The following CNDP1 variants were observed in gnomAD, a reference collection of about 807,000 sequenced individuals.
CNDP1 encodes the protein beta-Ala-His dipeptidase.
A neutral mutation model predicts 58.1 loss-of-function variants in CNDP1; 44 were observed. That is an observed-to-expected ratio of 0.76 (90% CI 0.60 to 0.97). The LOEUF is 0.97. CNDP1 is among the 50% of genes least tolerant of loss of function. The pLI, the probability that CNDP1 is intolerant of heterozygous loss-of-function variation, is 0.00. For missense variants in CNDP1, 616 were observed against 655.1 expected (o/e 0.94, Z 0.65); for synonymous variants, 254 against 252.6 (o/e 1.01, Z -0.05).
At chr18:74,548,895 T>A (rs1361474358) in intron 1 of CNDP1, among the ~76,000 whole-genome samples, 2 of 152,256 alleles carry the variant, frequency 1.3e-5, no homozygotes, top group Non-Finnish European at 2.9e-5. Context: ...TCTGTGGAAT[T>A]TGAACTTAAG....
At chr18:74,536,443 A>G (rs1047575172) in intron 1 of CNDP1, among the ~76,000 whole-genome samples, 11 of 152,202 alleles carry the variant, frequency 7.2e-5, no homozygotes, top group African/African-American at 2.2e-4. Context: ...CTCCAGCTCC[A>G]TCCATATTCC....
intron 2 of CNDP1, among the ~76,000 whole-genome samples, chr18:74,557,160 T>C (rs187994837): frequency 1.3e-5 from 2 of 152,180 alleles, no homozygotes; most frequent in Non-Finnish European, 2.9e-5. Context: ...TCAAGTGATC[T>C]TCCTGCCTCG....
intron 1 of CNDP1, among the ~76,000 whole-genome samples, chr18:74,552,661 TTTTA>T (rs1188795825): frequency 2.6e-5 from 4 of 152,242 alleles, no homozygotes; most frequent in Non-Finnish European, 4.4e-5. Flanking sequence ...ATATACCACA[TTTTA>T]TTTATCCATT....
chr18:74,574,595 A>G (rs1981580472), intron 7 of CNDP1, among the ~76,000 whole-genome samples: 2 of 152,338 alleles, frequency 1.3e-5, no homozygotes, highest in African/African-American at 4.8e-5. Flanking sequence ...GCACTTCCCA[A>G]GAAGGCTGTG....
Position 74,583,282 on chromosome 18 carries a change from C to T in CNDP1, c.1310-279C>T, listed in dbSNP as rs574672709. Among the ~76,000 whole-genome samples the T allele has an allele frequency of 2.4e-4, 37 of 152,308 alleles. No individual in the cohort carries two copies. In the South Asian group the frequency reaches 7.1e-3, roughly 29 times the overall value. ...TCAGCCTCCCAAAGTGCTGGGATTACAGGCATGAGCCACTGCACCTGGCTC... is the reference window on the plus strand; with the variant it reads ...TCAGCCTCCCAAAGTGCTGGGATTATAGGCATGAGCCACTGCACCTGGCTC... On this transcript the variant is annotated intron_variant, in intron 10 of 11. Coordinates refer to ENST00000358821, the MANE Select transcript of CNDP1 (RefSeq NM_032649.6).
In CNDP1 at chr18:74,578,271, G is replaced by A; in HGVS notation, c.1111G>A (p.Gly371Arg). 1.9e-6 allele frequency: 3 copies of A among 1,614,080 alleles called. No individual in the cohort carries two copies. The highest frequency in any genetic ancestry group is 2.5e-6 in the Non-Finnish European group (3 of 1,180,018). The change falls in exon 9 of 12, where the codon GGA (glycine) becomes AGA (arginine). Residue 371 changes from glycine (G) to arginine (R), a missense_variant. Physicochemically the swap from Gly to Arg is moderately radical, Grantham distance 125 (BLOSUM62 -2). Transcript: ENST00000358821. ...TKTVIPGRVI[G>R]KFSIRLVPHM... ...AACAGTCATACCTGGCCGAGTTATA[G>A]GAAAATTTTCAATCCGTCTAGTCCC...
chr18:74,566,004 C>G (rs9957229), intron 5 of CNDP1, among the ~76,000 whole-genome samples: 10,499 of 152,288 alleles, frequency 0.069, 1,192 homozygotes, highest in African/African-American at 0.24. Flanking sequence ...CACCTCAATT[C>G]TTGACTTCTG....
intron 1 of CNDP1, among the ~76,000 whole-genome samples, chr18:74,535,597 A>G (rs963910540): frequency 8.0e-4 from 6 of 7,468 alleles, no homozygotes; most frequent in Non-Finnish European, 2.1e-3. Context: ...TTTTTTTTAA[A>G]GAACCCATGA....
At chr18:74,567,810 G>A (rs1340195074) in intron 6 of CNDP1, among the ~76,000 whole-genome samples, 3 of 152,220 alleles carry the variant, frequency 2.0e-5, no homozygotes, top group Non-Finnish European at 4.4e-5. Flanking sequence ...CTCCCAGCGT[G>A]GGCCTGCTGG....
At chr18:74,583,918 C>A in intron 11 of CNDP1, 1 of 552,818 alleles carries the variant, frequency 1.8e-6, no homozygotes, top group Non-Finnish European at 3.2e-6. Flanking sequence ...TGGGTATGGG[C>A]TGTCTTCCTG....
At chr18:74,547,389 C>T (rs1980788686) in intron 1 of CNDP1, among the ~76,000 whole-genome samples, 1 of 152,208 alleles carries the variant, frequency 6.6e-6, no homozygotes, top group Non-Finnish European at 1.5e-5. Context: ...AAGGACCCAC[C>T]CTTGGCCTGA....
intron 1 of CNDP1, among the ~76,000 whole-genome samples, chr18:74,544,782 G>A (rs1190937828): frequency 1.3e-5 from 2 of 150,844 alleles, no homozygotes; most frequent in African/African-American, 4.9e-5. Context: ...AGGGTGTACT[G>A]GGTTAAATAA....
At chr18:74,538,121 A>C (rs889124925) in intron 1 of CNDP1, among the ~76,000 whole-genome samples, 1 of 152,168 alleles carries the variant, frequency 6.6e-6, no homozygotes, top group Non-Finnish European at 1.5e-5. Context: ...AACCATCACC[A>C]CCATCAATTT....
intron 7 of CNDP1, among the ~76,000 whole-genome samples, chr18:74,573,175 C>T (rs187651011): frequency 2.3e-4 from 35 of 152,000 alleles, no homozygotes; most frequent in African/African-American, 7.0e-4. Flanking sequence ...TCTTTCTATG[C>T]ATCTATCCAT....
At position 74,584,758 on chromosome 18, in the gene CNDP1, T is replaced by C. The variant is rs1981870124; in HGVS notation, c.*196T>C. On this transcript the variant is annotated 3_prime_UTR_variant, in exon 12 of 12. Transcript: ENST00000358821. ...CACAGATGTTGGAAATGGTTTAAGGTCCCCCACTGCACACCTTCCTCAAGT... is the reference window on the plus strand; with the variant it reads ...CACAGATGTTGGAAATGGTTTAAGGCCCCCCACTGCACACCTTCCTCAAGT... 1 of 553,862 alleles carries C rather than the reference T, an allele frequency of 1.8e-6. No individual in the cohort carries two copies. The highest frequency in any genetic ancestry group is 3.2e-6 in the Non-Finnish European group (1 of 309,566). 34.3% of individuals were successfully genotyped at this position (553,862 alleles called of 1,614,324 possible).
chr18:74,541,899 T>A (rs1980634292), intron 1 of CNDP1, among the ~76,000 whole-genome samples: 1 of 152,164 alleles, frequency 6.6e-6, no homozygotes, highest in Non-Finnish European at 1.5e-5. Flanking sequence ...GACATAAAGT[T>A]GGGGTGCTGT....
intron 1 of CNDP1, among the ~76,000 whole-genome samples, chr18:74,553,048 C>G (rs894517650): frequency 3.3e-5 from 5 of 152,204 alleles, no homozygotes; most frequent in Admixed American, 1.3e-4. Context: ...TGAGCCTAAA[C>G]TTTCCATGTG....
chr18:74,561,596 A>G (rs1599094806), intron 4 of CNDP1: 1 of 162,270 alleles, frequency 6.2e-6, no homozygotes, highest in East Asian at 1.7e-4. Flanking sequence ...AACAGTATCA[A>G]ATGTAATTCG....
At chr18:74,558,392 C>CT (rs71168498) in intron 2 of CNDP1, among the ~76,000 whole-genome samples, 18,999 of 113,454 alleles carry the variant, frequency 0.17, 1,990 homozygotes, top group Non-Finnish European at 0.19. Context: ...CTTTCTTTTT[C>CT]TTTTTTTTTT....
Sources: gnomAD v4.1 joint callset for allele counts (sites outside exome capture counted in the v4.1 genomes callset) on GRCh38, gnomAD v4.1.1 for gene constraint, MANE v1.5 for transcripts, NCBI Gene and HGNC (gene_info 2026-07-23, HGNC 2026-07-21) for gene names.